The following SH3BP4 variants were observed in gnomAD, a reference collection of about 807,000 sequenced individuals.
SH3BP4 encodes SH3 domain binding protein 4, also known as SH3 domain-binding protein 4.
SH3BP4 carries 33 observed loss-of-function variants against 65.5 expected under a neutral mutation model. The ratio of observed to expected loss-of-function variants is 0.50; its 90% CI spans 0.38 to 0.67. SH3BP4 has a LOEUF of 0.67. Among genes scored for constraint, SH3BP4 ranks in the 30% least tolerant of loss-of-function variants. The probability of loss-of-function intolerance (pLI) is 0.00; values close to 1 mark genes in which losing one functional copy is unlikely to be tolerated. For synonymous variants in SH3BP4, 552 were observed against 545.5 expected, an observed-to-expected ratio of 1.01 and a Z score of -0.17; for missense variants, 1,134 against 1,261.4, an observed-to-expected ratio of 0.90 and a Z score of 1.53.
At chr2:234,968,426 C>T (rs6431325) in intron 1 of SH3BP4, among the ~76,000 whole-genome samples, 10,218 of 149,574 alleles carry the variant, frequency 0.068, 1,094 homozygotes, top group African/African-American at 0.23. Flanking sequence ...TCTAGTTACC[C>T]TCTAGAATTA....
In SH3BP4 at chr2:234,967,838, G is replaced by A. The variant is rs141098281; in HGVS notation, c.-207+15668G>A. On this transcript the variant is annotated intron_variant, in intron 1 of 5. Coordinates refer to ENST00000392011, the MANE Select transcript of SH3BP4 (RefSeq NM_014521.3). The surrounding 1 kb of genome is among the most constrained non-coding windows in gnomAD (Gnocchi z 4.6). ...CCTGCCACCCTGAGTGGCGGATGCTGCAGAGACAACTCTTTATACCTGAGA... is the reference window on the plus strand; with the variant it reads ...CCTGCCACCCTGAGTGGCGGATGCTACAGAGACAACTCTTTATACCTGAGA... Among the ~76,000 whole-genome samples the A allele has an allele frequency of 9.2e-5, 14 of 152,288 alleles. No homozygotes were observed. The East Asian group carries it at 2.7e-3, about 30-fold the overall frequency.
intron 4 of SH3BP4, among the ~76,000 whole-genome samples, chr2:235,050,631 T>A (rs535536179): frequency 4.7e-4 from 72 of 152,098 alleles, no homozygotes; most frequent in African/African-American, 1.7e-3. Context: ...GGCTAATGCA[T>A]GCCACAAGTC....
At chr2:235,006,638 C>A (rs1169849886) in intron 2 of SH3BP4, among the ~76,000 whole-genome samples, 1 of 152,136 alleles carries the variant, frequency 6.6e-6, no homozygotes, top group Admixed American at 6.5e-5. Context: ...CAGGGGCCAC[C>A]CAGCCTAGAT....
intron 2 of SH3BP4, among the ~76,000 whole-genome samples, chr2:235,020,315 G>T (rs1477675523): frequency 6.6e-6 from 1 of 152,318 alleles, no homozygotes; most frequent in East Asian, 1.9e-4. Context: ...GGACAGCATG[G>T]TGAAACCCTG....
In SH3BP4 at chr2:235,042,971, G is replaced by C; in HGVS notation, c.2202G>C (p.Glu734Asp). The change falls in exon 4 of 6, where the codon GAG (glutamate) becomes GAC (aspartate). Residue 734 changes from glutamate (E) to aspartate (D), a missense_variant. Physicochemically the swap from Glu to Asp is conservative, Grantham distance 45. Coordinates refer to ENST00000392011, the MANE Select transcript of SH3BP4 (RefSeq NM_014521.3). The surrounding 1 kb of genome is among the most constrained non-coding windows in gnomAD (Gnocchi z 7.3). ...GGCCCAGCCTGTGCTCGGGCCCCGA[G>C]CTGAGCACCTCGGTGCTGCTGGAGC... ...RARPSLCSGP[E>D]LSTSVLLEQI... 3 of 1,612,890 alleles carry C rather than the reference G, an allele frequency of 1.9e-6. No homozygotes were observed. Among genetic ancestry groups the C allele is most frequent in the Non-Finnish European group, 2.5e-6 (3 of 1,179,524 alleles).
At chr2:235,005,980 G>A (rs61010485) in intron 2 of SH3BP4, among the ~76,000 whole-genome samples, 14,969 of 152,284 alleles carry the variant, frequency 0.098, 1,250 homozygotes, top group East Asian at 0.28. Context: ...GGCGCCAGAG[G>A]GAGGTTTTGA....
intron 2 of SH3BP4, among the ~76,000 whole-genome samples, chr2:235,003,817 G>T (rs1574810860): frequency 6.6e-6 from 1 of 152,212 alleles, no homozygotes; most frequent in South Asian, 2.1e-4. Context: ...TGGCTCCAGG[G>T]ATGGCCCCAC....
At chr2:235,017,433 G>A (rs1243114646) in intron 2 of SH3BP4, among the ~76,000 whole-genome samples, 2 of 143,634 alleles carry the variant, frequency 1.4e-5, no homozygotes, top group Non-Finnish European at 1.5e-5. Context: ...GCAACAGAGC[G>A]AGACTCAGTC....
intron 1 of SH3BP4, among the ~76,000 whole-genome samples, chr2:234,987,567 C>T (rs748113949): frequency 6.6e-6 from 1 of 152,318 alleles, no homozygotes; most frequent in East Asian, 1.9e-4. Flanking sequence ...CCGCCTCCCC[C>T]CAACATGGGC....
chr2:235,053,560 C>T, intron 5 of SH3BP4, 32 bp from the exon 6 acceptor site: 3 of 1,537,594 alleles, frequency 2.0e-6, no homozygotes, highest in Non-Finnish European at 1.8e-6. Flanking sequence ...TCCTCTCTCC[C>T]TCCTTTTGTT....
chr2:235,054,897 C>A lies in SH3BP4; in HGVS notation c.*1081C>A, dbSNP rs1387406510. The A allele has an allele frequency of 6.6e-6, 1 of 152,336 alleles. No homozygotes were observed. The highest frequency in any genetic ancestry group is 1.9e-4 in the East Asian group (1 of 5,184). The allele number at this position is 152,336 out of a possible 1,614,324, so 9.4% of individuals were successfully genotyped here. A position where few individuals can be genotyped will look rare whatever the true frequency, so the allele number is the denominator to read the frequency against. Reference sequence around the variant, plus strand: ...ACTCTGCATTTCATTTCATCTAAGGCTTAACCCCTCTTCCTTCCTGGTGTA... The same window carrying A: ...ACTCTGCATTTCATTTCATCTAAGGATTAACCCCTCTTCCTTCCTGGTGTA... On this transcript the variant is annotated 3_prime_UTR_variant, in exon 6 of 6. Coordinates refer to ENST00000392011, the MANE Select transcript of SH3BP4 (RefSeq NM_014521.3).
At chr2:234,995,019 T>C (rs1273947539) in intron 1 of SH3BP4, 2 of 152,368 alleles carry the variant, frequency 1.3e-5, no homozygotes, top group Admixed American at 6.5e-5. Flanking sequence ...GGGTGCAGGC[T>C]GGCCCAGGAA....
intron 2 of SH3BP4, among the ~76,000 whole-genome samples, chr2:235,010,508 T>C (rs1173678976): frequency 6.6e-5 from 10 of 152,198 alleles, no homozygotes; most frequent in Admixed American, 6.5e-4. Flanking sequence ...GCACTTGTGA[T>C]ACACAAATGA....
chr2:234,963,660 A>G (rs1363187319), intron 1 of SH3BP4, among the ~76,000 whole-genome samples: 2 of 152,218 alleles, frequency 1.3e-5, no homozygotes, highest in Non-Finnish European at 2.9e-5. Flanking sequence ...TCTAGAGTCC[A>G]GGAGGTGTTT....
Position 234,976,553 on chromosome 2 carries a change from T to C in SH3BP4, c.-206-18750T>C, listed in dbSNP as rs1450066213. On this transcript the variant is annotated intron_variant, in intron 1 of 5. Transcript: ENST00000392011. The surrounding 1 kb of genome is among the most constrained non-coding windows in gnomAD (Gnocchi z 4.7). ...CATGATAAATACAGAAGCCGATGTT[T>C]ACCCGCCTCTGGTAGCGGACATAGG... 1.3e-5 allele frequency among the ~76,000 whole-genome samples: 2 copies of C among 152,052 alleles called. No individual in the cohort carries two copies. The highest frequency in any genetic ancestry group is 4.8e-5 in the African/African-American group (2 of 41,404).
intron 1 of SH3BP4, among the ~76,000 whole-genome samples, chr2:234,962,999 C>G (rs1574773844): frequency 6.6e-6 from 1 of 152,224 alleles, no homozygotes; most frequent in East Asian, 1.9e-4. Context: ...ATCCAACTGC[C>G]TCAGCCTCCC....
rs577047189 is a variant in SH3BP4, at chr2:234,997,898, G to A, written c.-133+2522G>A. Among the ~76,000 whole-genome samples, 56 of 152,212 alleles carry A rather than the reference G, an allele frequency of 3.7e-4. 1 individual carries two copies. The highest frequency in any genetic ancestry group is 6.3e-4 in the Non-Finnish European group (43 of 68,020). On this transcript the variant is annotated intron_variant, in intron 2 of 5. Transcript: ENST00000392011. This position sits in a 1 kb window ranked among gnomAD's most constrained non-coding sequence, Gnocchi z 4.2. ...AGCACTTTGGGAGGCCGAGGTGGGC[G>A]GATCACGAGATCAGGAGATCAAGAC...
chr2:234,954,575 C>T (rs1043915205), intron 1 of SH3BP4, among the ~76,000 whole-genome samples: 2 of 152,138 alleles, frequency 1.3e-5, no homozygotes, highest in Non-Finnish European at 2.9e-5. Flanking sequence ...GGAGGGAGGA[C>T]CTTCCTGGCT....
chr2:235,004,753 T>C (rs6728491), intron 2 of SH3BP4, among the ~76,000 whole-genome samples: 37,695 of 152,262 alleles, frequency 0.25, 6,478 homozygotes, highest in East Asian at 0.72. Context: ...ATGGCTATGT[T>C]ACATTTTGTT....
Sources: allele counts gnomAD v4.1 joint callset (sites outside exome capture counted in the v4.1 genomes callset), GRCh38; gene constraint gnomAD v4.1.1; non-coding constraint Gnocchi (gnomAD v3.1); transcripts MANE v1.5; gene names NCBI Gene and HGNC (gene_info 2026-07-23, HGNC 2026-07-21).